The following IGFBP5 variants were observed in gnomAD, a reference collection of about 807,000 sequenced individuals.
IGFBP5 encodes the protein insulin like growth factor binding protein 5, also known as insulin-like growth factor-binding protein 5.
In IGFBP5, 12 loss-of-function variants were observed where a neutral mutation model predicts 28.0. That is an observed-to-expected ratio of 0.43 (90% CI 0.27 to 0.69). The LOEUF (loss-of-function observed/expected upper bound fraction) is 0.69, where lower values mean the gene tolerates loss of function less well. Among genes scored for constraint, IGFBP5 ranks in the 30% least tolerant of loss-of-function variants. The pLI is 0.20. For synonymous variants in IGFBP5, 152 were observed against 150.2 expected, an observed-to-expected ratio of 1.01 and a Z score of -0.09; for missense variants, 344 against 381.6, an observed-to-expected ratio of 0.90 and a Z score of 0.82.
chr2:216,678,310 TGGG>T (rs1559186075), intron 2 of IGFBP5, 79 bp from the exon 3 acceptor site: 2 of 1,394,970 alleles, frequency 1.4e-6, no homozygotes, highest in African/African-American at 2.9e-5. Context: ...GCCCAGGGGG[TGGG>T]GGCTGAAGGG....
chr2:216,678,684 A>G (rs921762012), intron 2 of IGFBP5, 166 bp downstream of exon 2: 2 of 619,832 alleles, frequency 3.2e-6, no homozygotes, highest in African/African-American at 3.7e-5. Flanking sequence ...GGCCCTGACA[A>G]GTGTATGCTC....
At chr2:216,683,236 G>C (rs1240068745) in intron 1 of IGFBP5, among the ~76,000 whole-genome samples, 1 of 152,188 alleles carries the variant, frequency 6.6e-6, no homozygotes, top group Non-Finnish European at 1.5e-5. Flanking sequence ...CCGGAGGATT[G>C]CTTGAGCCCG....
intron 1 of IGFBP5, among the ~76,000 whole-genome samples, chr2:216,684,428 A>T (rs1689012481): frequency 2.0e-5 from 3 of 152,226 alleles, no homozygotes; most frequent in Admixed American, 2.0e-4. Context: ...AAACTAGGTG[A>T]CCCAGATATT....
chr2:216,678,616 GCA>G, intron 2 of IGFBP5: 1 of 579,980 alleles, frequency 1.7e-6, no homozygotes, highest in Non-Finnish European at 3.1e-6. Context: ...CGCTGGGCTG[GCA>G]CACACTCTCC....
intron 1 of IGFBP5, among the ~76,000 whole-genome samples, chr2:216,681,330 G>A (rs1688975637): frequency 6.6e-6 from 1 of 152,166 alleles, no homozygotes; most frequent in Non-Finnish European, 1.5e-5. Flanking sequence ...AAAGCCTGGA[G>A]GGGGTTCAGA....
Position 216,679,096 on chromosome 2 carries a change from C to G in IGFBP5, c.338-17G>C. 6.2e-7 allele frequency: 1 copy of G among 1,611,640 alleles called. No homozygotes were observed. Reference sequence around the variant, plus strand: ...AGTCTCTCTCTGCAGGAGAAGGAGCCGGAGGGTCAGCCCCCGTGGGCCAAG... The same window carrying G: ...AGTCTCTCTCTGCAGGAGAAGGAGCGGGAGGGTCAGCCCCCGTGGGCCAAG... On this transcript the variant is annotated splice_polypyrimidine_tract_variant and intron_variant, in intron 1 of 3. Transcript: ENST00000233813. This position sits in a 1 kb window ranked among gnomAD's most constrained non-coding sequence, Gnocchi z 4.6.
Position 216,676,801 on chromosome 2 carries a change from C to A in IGFBP5, c.769G>T (p.Val257Phe), listed in dbSNP as rs149264992. ...YGMKLPGMEY[V>F]DGDFQCHTFD... ...GTGTGGCACTGAAAGTCCCCGTCAA[C>A]GTACTCCATGCCTGGCAGCTTCATC... Residue 257 changes from valine to phenylalanine, a missense_variant, in exon 4 of 4, where the codon GTT (valine) becomes TTT (phenylalanine). Val to Phe is a conservative substitution (Grantham distance 50). Around this residue, in one of 3 missense-constraint regions of IGFBP5, gnomAD observed 36 missense variants for 34.1 expected, o/e 1.06. Transcript: ENST00000233813. 526 of 1,613,982 alleles carry A rather than the reference C, an allele frequency of 3.3e-4. No individual in the cohort carries two copies. The highest frequency in any genetic ancestry group is 1.5e-3 in the Admixed American group (90 of 59,992).
chr2:216,689,526 T>C (rs1379922922), intron 1 of IGFBP5, among the ~76,000 whole-genome samples: 2 of 152,242 alleles, frequency 1.3e-5, no homozygotes, highest in Non-Finnish European at 2.9e-5. Context: ...CATGGAGTGA[T>C]AGCATCTGGC....
intron 2 of IGFBP5, among the ~76,000 whole-genome samples, chr2:216,678,514 C>A (rs1227505014): frequency 1.3e-5 from 2 of 152,216 alleles, no homozygotes; most frequent in Non-Finnish European, 2.9e-5. Context: ...TAACAATGTC[C>A]AGAGGTGCCC....
At chr2:216,691,116 C>G (rs1430787186) in intron 1 of IGFBP5, among the ~76,000 whole-genome samples, 1 of 152,186 alleles carries the variant, frequency 6.6e-6, no homozygotes, top group Non-Finnish European at 1.5e-5. Context: ...CTCTGGAACT[C>G]GACTTCAACA....
At chr2:216,693,940 A>T (rs1305418931) in intron 1 of IGFBP5, among the ~76,000 whole-genome samples, 1 of 151,956 alleles carries the variant, frequency 6.6e-6, no homozygotes, top group Non-Finnish European at 1.5e-5. Context: ...GGAGGGGCCA[A>T]GAGGGACAAA....
chr2:216,687,608 C>T (rs1689045899), intron 1 of IGFBP5, among the ~76,000 whole-genome samples: 1 of 152,216 alleles, frequency 6.6e-6, no homozygotes, highest in Non-Finnish European at 1.5e-5. Flanking sequence ...TGAGAATCTC[C>T]AGCCAAGCTT....
chr2:216,675,869 G>A lies in IGFBP5; in HGVS notation c.*882C>T, dbSNP rs1017567382. 2 of 151,646 alleles carry A rather than the reference G, an allele frequency of 1.3e-5. No individual in the cohort carries two copies. The highest frequency in any genetic ancestry group is 1.3e-4 in the Admixed American group (2 of 15,236). 9.4% of individuals were successfully genotyped at this position (151,646 alleles called of 1,614,324 possible). The stretch of plus-strand genomic sequence containing the variant: ...GAGGCTGCTGCGCTACTTACAAATT[G>A]AATTAAATGAGGGCTGAAACGGCAC... On this transcript the variant is annotated 3_prime_UTR_variant, in exon 4 of 4. Coordinates refer to ENST00000233813, the MANE Select transcript of IGFBP5 (RefSeq NM_000599.4).
rs1264906828 is a variant in IGFBP5, at chr2:216,678,990, G to A, written c.427C>T (p.Arg143Cys). 1.9e-6 allele frequency: 3 copies of A among 1,613,984 alleles called. No individual in the cohort carries two copies. Among genetic ancestry groups the A allele is most frequent in the Non-Finnish European group, 2.5e-6 (3 of 1,180,026 alleles). ...GCTTCAGCCTTCAGCTCGGAGATGC[G>A]GGTGTGTTTGGGCCGGAAGATCTTG... The part of the protein sequence containing the change: ...SPKIFRPKHT[R>C]ISELKAEAVK... Residue 143 changes from arginine (R) to cysteine (C), a missense_variant, in exon 2 of 4, where the codon CGC becomes TGC. Physicochemically the swap from Arg to Cys is radical, Grantham distance 180 (BLOSUM62 -3). Transcript: ENST00000233813.
rs769662476 is a variant in IGFBP5, at chr2:216,676,709, T to G, written c.*42A>C. 4.5e-5 allele frequency: 41 copies of G among 914,920 alleles called. No individual in the cohort carries two copies. The African/African-American group carries it at 1.4e-3, about 31-fold the overall frequency. 56.7% of individuals were successfully genotyped at this position (914,920 alleles called of 1,614,324 possible). On this transcript the variant is annotated 3_prime_UTR_variant, in exon 4 of 4. Coordinates refer to ENST00000233813, the MANE Select transcript of IGFBP5 (RefSeq NM_000599.4). ...GGGAGGCGCTGGCTGGAGTCGGGGC[T>G]GGGGGTGGGAGGGGGTGAGGGAAAG...
At chr2:216,685,212 C>T (rs966009151) in intron 1 of IGFBP5, among the ~76,000 whole-genome samples, 2 of 148,792 alleles carry the variant, frequency 1.3e-5, no homozygotes, top group South Asian at 2.1e-4. Context: ...ACCTGGGAGG[C>T]GGAGGTTGCA....
Position 216,695,099 on chromosome 2 carries a change from G to A in IGFBP5, c.-324C>T. On this transcript the variant is annotated 5_prime_UTR_variant, in exon 1 of 4. Transcript: ENST00000233813. ...GGGTCAGAATTATAGGGGAAAAAAA[G>A]CCACAAAATTGTTCACCCCCAAGCA... 1 of 243,376 alleles carries A rather than the reference G, an allele frequency of 4.1e-6. No individual in the cohort carries two copies. The allele number at this position is 243,376 out of a possible 1,614,324, so 15.1% of individuals were successfully genotyped here.
At position 216,679,046 on chromosome 2, in the gene IGFBP5, G is replaced by GCCA; in HGVS notation, c.370_371insTGG (p.Thr124delinsMetAla). ...GTAGGTCTCCTCGGCCATCTCAGAGGTGGTGGGCTCCTCGTGCTCACGGGA... is the reference window on the plus strand; with the variant it reads ...GTAGGTCTCCTCGGCCATCTCAGAGGCCATGGTGGGCTCCTCGTGCTCACGGGA... On this transcript the variant is annotated protein_altering_variant, in exon 2 of 4. Coordinates refer to ENST00000233813, the MANE Select transcript of IGFBP5 (RefSeq NM_000599.4). This position sits in a 1 kb window ranked among gnomAD's most constrained non-coding sequence, Gnocchi z 4.6. 6.2e-7 allele frequency: 1 copy of GCCA among 1,614,188 alleles called. No individual in the cohort carries two copies. The highest frequency in any genetic ancestry group is 8.5e-7 in the Non-Finnish European group (1 of 1,180,046).
chr2:216,684,562 G>A (rs1049483744), intron 1 of IGFBP5, among the ~76,000 whole-genome samples: 3 of 152,138 alleles, frequency 2.0e-5, no homozygotes, highest in African/African-American at 7.2e-5. Context: ...TTTCTAGACA[G>A]AAGATAAGAT....
Sources: allele counts gnomAD v4.1 joint callset (sites outside exome capture counted in the v4.1 genomes callset), GRCh38; gene constraint gnomAD v4.1.1; regional missense constraint gnomAD v4.1.1; non-coding constraint Gnocchi (gnomAD v3.1); transcripts MANE v1.5; gene names NCBI Gene and HGNC (gene_info 2026-07-23, HGNC 2026-07-21).